SHLD1: variants seen among roughly 807,000 people sequenced by gnomAD.
SHLD1 encodes the protein shieldin complex subunit 1.
A neutral mutation model predicts 5.5 loss-of-function variants in SHLD1; 3 were observed. The ratio of observed to expected loss-of-function variants is 0.54; its 90% CI spans 0.25 to 1.40. The LOEUF is 1.40. Among genes scored for constraint, SHLD1 ranks in the 40% most tolerant of loss-of-function variants. The pLI is 0.15. For synonymous variants in SHLD1, 92 were observed against 94.3 expected, an observed-to-expected ratio of 0.98 and a Z score of 0.14; for missense variants, 210 against 244.4, an observed-to-expected ratio of 0.86 and a Z score of 0.94.
intron 2 of SHLD1, among the ~76,000 whole-genome samples, chr20:5,785,339 C>T (rs2087044464): frequency 6.6e-6 from 1 of 152,144 alleles, no homozygotes; most frequent in Non-Finnish European, 1.5e-5. Context: ...ATTATGATCT[C>T]CTTGTTACTC....
chr20:5,857,719 G>A (rs1260260276), intron 2 of SHLD1, among the ~76,000 whole-genome samples: 6 of 151,944 alleles, frequency 3.9e-5, no homozygotes, highest in Non-Finnish European at 8.8e-5. Flanking sequence ...TGAGGTGGGA[G>A]GATCGCCTGA....
At chr20:5,758,044 G>A (rs1458952717) in intron 1 of SHLD1, among the ~76,000 whole-genome samples, 1 of 152,022 alleles carries the variant, frequency 6.6e-6, no homozygotes, top group Non-Finnish European at 1.5e-5. Flanking sequence ...ATACCCTGAT[G>A]TCAGGGTAAT....
At chr20:5,804,156 C>T (rs998643886) in intron 2 of SHLD1, among the ~76,000 whole-genome samples, 4 of 144,358 alleles carry the variant, frequency 2.8e-5, no homozygotes, top group Non-Finnish European at 4.6e-5. Context: ...ACTAAAAATA[C>T]AAAAAAAATT....
At chr20:5,854,014 T>G (rs2088048327) in intron 2 of SHLD1, among the ~76,000 whole-genome samples, 1 of 151,702 alleles carries the variant, frequency 6.6e-6, no homozygotes, top group African/African-American at 2.4e-5. Context: ...TAATTTTTTT[T>G]TTTTTTTTTA....
At chr20:5,768,024 G>C (rs1257128616) in intron 1 of SHLD1, among the ~76,000 whole-genome samples, 1 of 149,312 alleles carries the variant, frequency 6.7e-6, no homozygotes. Flanking sequence ...ACCCAGGCTG[G>C]AGTGCAGTGG....
intron 2 of SHLD1, among the ~76,000 whole-genome samples, chr20:5,828,656 G>A (rs1294718): frequency 6.6e-6 from 1 of 151,960 alleles, no homozygotes; most frequent in Non-Finnish European, 1.5e-5. Context: ...CTTTTGCTTC[G>A]CATTTCACTG....
chr20:5,766,783 C>G (rs1447563161), intron 1 of SHLD1, among the ~76,000 whole-genome samples: 1 of 152,116 alleles, frequency 6.6e-6, no homozygotes, highest in Non-Finnish European at 1.5e-5. Context: ...TTTTTCTCTT[C>G]TTATAGCGTC....
At chr20:5,844,786 TATATATATA>T (rs1285984860) in intron 2 of SHLD1, among the ~76,000 whole-genome samples, 7 of 104,478 alleles carry the variant, frequency 6.7e-5, no homozygotes, top group East Asian at 7.5e-4. Context: ...TATATATATA[TATATATATA>T]TATATTTTTT....
intron 2 of SHLD1, among the ~76,000 whole-genome samples, chr20:5,802,250 C>CTTTTTTGCTTT (rs76947247): frequency 6.6e-6 from 1 of 151,898 alleles, no homozygotes; most frequent in Non-Finnish European, 1.5e-5. Flanking sequence ...TTGCTCTTTG[C>CTTTTTTGCTTT]ACCTTCTCAG....
intron 2 of SHLD1, among the ~76,000 whole-genome samples, chr20:5,781,265 G>T (rs1167504154): frequency 6.6e-6 from 1 of 152,152 alleles, no homozygotes; most frequent in Non-Finnish European, 1.5e-5. Context: ...GAGTGCAGAG[G>T]CTCATGCCTA....
In SHLD1 at chr20:5,863,484, G is replaced by A; in HGVS notation, c.*21G>A. On this transcript the variant is annotated 3_prime_UTR_variant, in exon 3 of 3. Transcript: ENST00000303142. The stretch of plus-strand genomic sequence containing the variant: ...TGTAACTGGTGCCGGGCAGTGTGCA[G>A]GGTAGTAATGGAGGTGCTGTGCCAT... 3 of 1,566,770 alleles carry A rather than the reference G, an allele frequency of 1.9e-6. No homozygotes were observed. The highest frequency in any genetic ancestry group is 2.6e-6 in the Non-Finnish European group (3 of 1,157,920).
chr20:5,774,914 C>G (rs1985358182), intron 2 of SHLD1, among the ~76,000 whole-genome samples: 1 of 151,900 alleles, frequency 6.6e-6, no homozygotes, highest in Non-Finnish European at 1.5e-5. Flanking sequence ...TCCCTTTTTT[C>G]CCTGCCATCC....
chr20:5,843,359 T>C (rs950465197), intron 2 of SHLD1, among the ~76,000 whole-genome samples: 12 of 151,870 alleles, frequency 7.9e-5, no homozygotes, highest in Non-Finnish European at 1.3e-4. Flanking sequence ...TTTCTTTTTT[T>C]TCTCTCTCTC....
chr20:5,805,026 T>A (rs1291182693), intron 2 of SHLD1, among the ~76,000 whole-genome samples: 7 of 152,178 alleles, frequency 4.6e-5, no homozygotes, highest in African/African-American at 1.7e-4. Context: ...CCTTTTTGTC[T>A]CCCAGGAGAA....
At chr20:5,754,575 G>C (rs1298580153) in intron 1 of SHLD1, among the ~76,000 whole-genome samples, 1 of 152,140 alleles carries the variant, frequency 6.6e-6, no homozygotes, top group Non-Finnish European at 1.5e-5. Context: ...GAGTGACCAT[G>C]GCCCGTAACA....
intron 2 of SHLD1, among the ~76,000 whole-genome samples, chr20:5,822,020 G>A (rs2122414287): frequency 6.6e-6 from 1 of 152,338 alleles, no homozygotes; most frequent in Admixed American, 6.5e-5. Context: ...GCTAGGAGGT[G>A]AGGAGCCATC....
At chr20:5,786,342 C>T (rs958821096) in intron 2 of SHLD1, among the ~76,000 whole-genome samples, 5 of 152,158 alleles carry the variant, frequency 3.3e-5, no homozygotes, top group Admixed American at 2.6e-4. Flanking sequence ...TTTGGGAAGC[C>T]GAGACGGGAG....
chr20:5,750,508 T>TGGGGGGGG (rs1600076697), intron 1 of SHLD1, 29 bp downstream of exon 1: 10 of 23,276 alleles, frequency 4.3e-4, no homozygotes, highest in African/African-American at 6.0e-4. Context: ...GGGGGGGGGT[T>TGGGGGGGG]GGAGTGGTGG....
At chr20:5,766,488 G>A (rs1984834903) in intron 1 of SHLD1, among the ~76,000 whole-genome samples, 1 of 152,146 alleles carries the variant, frequency 6.6e-6, no homozygotes, top group East Asian at 1.9e-4. Flanking sequence ...CTGCAATACT[G>A]GGGCTATGCA....
Sources: allele counts gnomAD v4.1 joint callset (sites outside exome capture counted in the v4.1 genomes callset), GRCh38; gene constraint gnomAD v4.1.1; transcripts MANE v1.5; gene names NCBI Gene and HGNC (gene_info 2026-07-23, HGNC 2026-07-21).